Variants in DHRSX observed in about 807,000 individuals in gnomAD.
The protein encoded by DHRSX is polyprenol dehydrogenase.
In DHRSX, 31 loss-of-function variants were observed where a neutral mutation model predicts 34.0. The ratio of observed to expected loss-of-function variants is 0.91; its 90% confidence interval spans 0.69 to 1.23. The LOEUF (loss-of-function observed/expected upper bound fraction) is 1.23. Among genes scored for constraint, DHRSX ranks in the 50% most tolerant of loss-of-function variants. The pLI is 0.00. For missense variants in DHRSX, 414 were observed against 428.1 expected (o/e 0.97, Z 0.29); for synonymous variants, 201 against 183.8 (o/e 1.09, Z -0.76).
In DHRSX at chrX:2,474,851, G is replaced by A. The variant is rs775136394; in HGVS notation, c.109+25966C>T. Reference sequence around the variant, plus strand: ...TCCCTAAGCTTGTGGCTAAGGGACCGCCGCCATGTACACACTTAAGACGTT... The same window carrying A: ...TCCCTAAGCTTGTGGCTAAGGGACCACCGCCATGTACACACTTAAGACGTT... On this transcript the variant is annotated intron_variant, in intron 1 of 6. Transcript: ENST00000334651. Among the ~76,000 whole-genome samples, 670 of 149,682 alleles carry A rather than the reference G, an allele frequency of 4.5e-3. 3 individuals carry two copies. Among genetic ancestry groups the A allele is most frequent in the African/African-American group, 0.016 (634 of 40,808 alleles).
intron 2 of DHRSX, among the ~76,000 whole-genome samples, chrX:2,409,221 G>A (rs1245137120): frequency 1.3e-5 from 2 of 152,190 alleles, no homozygotes; most frequent in Non-Finnish European, 2.9e-5. Flanking sequence ...CAGACTGCAC[G>A]ATGCACGTGA....
At chrX:2,454,243 T>C (rs1282034530) in intron 1 of DHRSX, among the ~76,000 whole-genome samples, 14 of 152,038 alleles carry the variant, frequency 9.2e-5, no homozygotes, top group Non-Finnish European at 1.9e-4. Context: ...GTATCCACAC[T>C]GGGCCGGGCG....
chrX:2,481,885 G>A (rs376784046), intron 1 of DHRSX, among the ~76,000 whole-genome samples: 12 of 152,102 alleles, frequency 7.9e-5, no homozygotes, highest in Non-Finnish European at 1.2e-4. Context: ...GGCTCCCCAT[G>A]GAACTCCAAA....
intron 1 of DHRSX, among the ~76,000 whole-genome samples, chrX:2,486,246 G>A (rs948454128): frequency 6.6e-6 from 1 of 152,060 alleles, no homozygotes; most frequent in Admixed American, 6.6e-5. Context: ...CATAACTTGA[G>A]GATTTACAGA....
intron 3 of DHRSX, among the ~76,000 whole-genome samples, chrX:2,379,137 G>A (rs1411015661): frequency 1.3e-5 from 2 of 151,984 alleles, no homozygotes; most frequent in Admixed American, 1.3e-4. Context: ...TTGGGGGAGT[G>A]AAGAGTTACA....
At chrX:2,256,727 G>A (rs1040238158) in intron 5 of DHRSX, among the ~76,000 whole-genome samples, 19 of 151,678 alleles carry the variant, frequency 1.3e-4, no homozygotes, top group African/African-American at 4.6e-4. Flanking sequence ...ATCAATCTTG[G>A]CAATTAACAC....
chrX:2,415,785 C>T (rs1336869676), intron 2 of DHRSX, among the ~76,000 whole-genome samples: 2 of 151,554 alleles, frequency 1.3e-5, no homozygotes, highest in African/African-American at 4.9e-5. Flanking sequence ...CCAACTAGAT[C>T]GCATCATAAC....
intron 1 of DHRSX, among the ~76,000 whole-genome samples, chrX:2,451,130 G>A (rs761645329): frequency 6.6e-6 from 1 of 152,084 alleles, no homozygotes; most frequent in East Asian, 1.9e-4. Flanking sequence ...CTACTCAGGA[G>A]GCTGTGGCAG....
intron 3 of DHRSX, among the ~76,000 whole-genome samples, chrX:2,352,875 A>C (rs2042804998): frequency 6.6e-6 from 1 of 152,100 alleles, no homozygotes; most frequent in Non-Finnish European, 1.5e-5. Context: ...TAAGCCACAA[A>C]ACTTCAATTC....
chrX:2,401,108 CTTT>C lies in DHRSX; in HGVS notation c.286+7634_286+7636del, dbSNP rs35151918. 6.0e-3 allele frequency among the ~76,000 whole-genome samples: 775 copies of C among 128,500 alleles called. 1 individual carries two copies. The highest frequency in any genetic ancestry group is 8.4e-3 in the East Asian group (35 of 4,184). 84.3% of individuals were successfully genotyped at this position (128,500 alleles called of 152,430 possible). A position where few individuals can be genotyped will look rare whatever the true frequency, so the allele number is the denominator to read the frequency against. On this transcript the variant is annotated intron_variant, in intron 3 of 6. Coordinates refer to ENST00000334651, the MANE Select transcript of DHRSX (RefSeq NM_145177.3). ...TACTGGAAGAATAATATTTGGGAAG[CTTT>C]TTTTTTTTTTTTTTTTTAGATGAAG...
chrX:2,348,443 C>T (rs760419225), intron 3 of DHRSX, among the ~76,000 whole-genome samples: 2 of 152,198 alleles, frequency 1.3e-5, no homozygotes, highest in Admixed American at 1.3e-4. Context: ...GAGGCGTGCG[C>T]TCCTATTGTC....
chrX:2,434,357 G>T (rs150274858), intron 1 of DHRSX, among the ~76,000 whole-genome samples: 17,006 of 152,116 alleles, frequency 0.11, 1,266 homozygotes, highest in Middle Eastern at 0.19. Context: ...TAGGAGATAA[G>T]TTGACAATGA....
At chrX:2,347,088 G>A (rs1424178007) in intron 3 of DHRSX, among the ~76,000 whole-genome samples, 1 of 152,132 alleles carries the variant, frequency 6.6e-6, no homozygotes, top group Non-Finnish European at 1.5e-5. Flanking sequence ...GATAAATAAA[G>A]TATAAGTATG....
intron 3 of DHRSX, among the ~76,000 whole-genome samples, chrX:2,301,563 C>T (rs2124504835): frequency 6.6e-6 from 1 of 152,318 alleles, no homozygotes; most frequent in Admixed American, 6.5e-5. Flanking sequence ...CATGACATGC[C>T]ATCCTGCAGC....
chrX:2,318,585 C>T (rs1878721356), intron 3 of DHRSX, among the ~76,000 whole-genome samples: 1 of 152,150 alleles, frequency 6.6e-6, no homozygotes, highest in South Asian at 2.1e-4. Flanking sequence ...CTTCCATCAG[C>T]CTCATGGCAG....
intron 3 of DHRSX, among the ~76,000 whole-genome samples, chrX:2,330,794 A>G (rs1448010203): frequency 2.1e-5 from 3 of 143,462 alleles, no homozygotes; most frequent in Non-Finnish European, 4.7e-5. Context: ...GAGAATGAGA[A>G]AGAGAGAATG....
intron 3 of DHRSX, among the ~76,000 whole-genome samples, chrX:2,352,579 C>A (rs2042801196): frequency 6.6e-6 from 1 of 152,150 alleles, no homozygotes; most frequent in South Asian, 2.1e-4. Flanking sequence ...TGTTACAGAT[C>A]ATCTGACACT....
At chrX:2,309,913 C>T (rs952467118) in intron 3 of DHRSX, among the ~76,000 whole-genome samples, 1 of 152,060 alleles carries the variant, frequency 6.6e-6, no homozygotes, top group African/African-American at 2.4e-5. Context: ...AGAGCAAGAC[C>T]CTGTCTCAAA....
intron 3 of DHRSX, among the ~76,000 whole-genome samples, chrX:2,388,371 G>T (rs1453355347): frequency 2.6e-5 from 4 of 152,128 alleles, no homozygotes; most frequent in Non-Finnish European, 5.9e-5. Flanking sequence ...AAGGTAAAAT[G>T]AGGTTTCAGG....
Sources: allele counts gnomAD v4.1 joint callset (sites outside exome capture counted in the v4.1 genomes callset), GRCh38; gene constraint gnomAD v4.1.1; transcripts MANE v1.5; gene names NCBI Gene and HGNC (gene_info 2026-07-23, HGNC 2026-07-21).